ALK: variants seen among roughly 807,000 people sequenced by gnomAD.
The protein encoded by ALK is ALK receptor tyrosine kinase.
A neutral mutation model predicts 163.1 loss-of-function variants in ALK; 74 were observed. The observed-to-expected ratio is 0.45, with a 90% CI of 0.38 to 0.55. ALK has a LOEUF of 0.55. ALK is among the 20% of genes least tolerant of loss of function. ALK has a pLI of 0.00. For missense variants in ALK, 2,063 were observed against 2,105.3 expected, an observed-to-expected ratio of 0.98 and a Z score of 0.39; for synonymous variants, 960 against 843.2, an observed-to-expected ratio of 1.14 and a Z score of -2.40.
At chr2:29,893,160 C>A (rs1036305735) in intron 1 of ALK, among the ~76,000 whole-genome samples, 6 of 152,148 alleles carry the variant, frequency 3.9e-5, no homozygotes, top group Non-Finnish European at 8.8e-5. Context: ...AATATTTCCA[C>A]CCCTCCCCTT....
chr2:29,804,661 C>T (rs974447208), intron 1 of ALK, among the ~76,000 whole-genome samples: 12 of 152,176 alleles, frequency 7.9e-5, no homozygotes, highest in African/African-American at 2.9e-4. Flanking sequence ...GGGCTGGCGT[C>T]GCAGCCCATT....
chr2:29,558,992 A>G (rs1384346835), intron 3 of ALK, among the ~76,000 whole-genome samples: 1 of 152,218 alleles, frequency 6.6e-6, no homozygotes, highest in African/African-American at 2.4e-5. Flanking sequence ...ATACACTCCT[A>G]TAAACATGCA....
At chr2:29,399,440 C>A (rs1366092100) in intron 4 of ALK, among the ~76,000 whole-genome samples, 1 of 152,214 alleles carries the variant, frequency 6.6e-6, no homozygotes, top group African/African-American at 2.4e-5. Flanking sequence ...CTGATTCTTA[C>A]AGCCACCCTG....
chr2:29,226,958 C>T lies in ALK; in HGVS notation c.3031G>A (p.Gly1011Arg), dbSNP rs587778021. 4.8e-5 allele frequency: 78 copies of T among 1,614,096 alleles called. 2 individuals are homozygous for T. Among genetic ancestry groups the T allele is most frequent in the South Asian group, 2.5e-4 (23 of 91,086 alleles). ...SHKVICFCDH[G>R]TVLAEDGVSC... ...ACGCCATCCTCAGCCAGCACCGTCC[C>T]GTGGTCACAGAAGCAGATGACCTTG... The change falls in exon 18 of 29, where the codon GGG becomes AGG. Residue 1011 changes from glycine (G) to arginine (R), a missense_variant. Transcript: ENST00000389048.
intron 4 of ALK, among the ~76,000 whole-genome samples, chr2:29,480,630 C>T (rs548670265): frequency 1.6e-4 from 24 of 151,804 alleles, no homozygotes; most frequent in Non-Finnish European, 2.4e-4. Flanking sequence ...TCAATCTGCC[C>T]ACTCACTTCA....
Position 29,827,898 on chromosome 2 carries a change from G to A in ALK, c.667+92095C>T, listed in dbSNP as rs1006211670. 4.2e-4 allele frequency among the ~76,000 whole-genome samples: 64 copies of A among 152,250 alleles called. 1 individual carries two copies. Among genetic ancestry groups the A allele is most frequent in the African/African-American group, 1.4e-3 (57 of 41,550 alleles). On this transcript the variant is annotated intron_variant, in intron 1 of 28. Coordinates refer to ENST00000389048, the MANE Select transcript of ALK (RefSeq NM_004304.5). ...AAAAGAAGAAAGCTGGAGGCATCACGCTATCTGACTTCAAACTATACTACA... is the reference window on the plus strand; with the variant it reads ...AAAAGAAGAAAGCTGGAGGCATCACACTATCTGACTTCAAACTATACTACA...
intron 4 of ALK, among the ~76,000 whole-genome samples, chr2:29,476,155 G>T (rs766994423): frequency 2.0e-5 from 3 of 152,112 alleles, no homozygotes; most frequent in African/African-American, 7.2e-5. Flanking sequence ...CACAAGCTGC[G>T]GCTCAGACCC....
At chr2:29,663,402 G>A (rs925224207) in intron 3 of ALK, among the ~76,000 whole-genome samples, 2 of 152,042 alleles carry the variant, frequency 1.3e-5, no homozygotes, top group African/African-American at 4.8e-5. Flanking sequence ...AAAATTCTTG[G>A]TCCAGAATGA....
At chr2:29,431,858 C>G (rs1670280104) in intron 4 of ALK, among the ~76,000 whole-genome samples, 1 of 152,036 alleles carries the variant, frequency 6.6e-6, no homozygotes, top group South Asian at 2.1e-4. Flanking sequence ...CTTTGGGGAC[C>G]CAGATACAAG....
rs796521759 is a variant in ALK, at chr2:29,394,870, G to GT, written c.1155-11012dup. On this transcript the variant is annotated intron_variant, in intron 4 of 28. Transcript: ENST00000389048. ...CTTTCAAGCCAAGTCAATGCAGTAG[G>GT]TTTTTTTTTTTTCTTCAATACATCA... is the stretch of plus-strand genomic sequence containing the variant. Among the ~76,000 whole-genome samples, 1,384 of 146,818 alleles carry GT rather than the reference G, an allele frequency of 9.4e-3. 13 individuals are homozygous for GT. Among genetic ancestry groups the GT allele is most frequent in the African/African-American group, 0.024 (964 of 40,362 alleles).
chr2:29,338,928 C>T (rs923466284), intron 5 of ALK, among the ~76,000 whole-genome samples: 1 of 152,192 alleles, frequency 6.6e-6, no homozygotes, highest in Non-Finnish European at 1.5e-5. Context: ...ATGTGCCCAG[C>T]ACTGGGGTGA....
At chr2:29,678,286 T>C (rs1424763830) in intron 3 of ALK, among the ~76,000 whole-genome samples, 1 of 151,926 alleles carries the variant, frequency 6.6e-6, no homozygotes. Context: ...TACTGCTTTT[T>C]TATTTCATGG....
At chr2:29,705,287 A>C (rs142726608) in intron 2 of ALK, among the ~76,000 whole-genome samples, 15,534 of 117,640 alleles carry the variant, frequency 0.13, 2,590 homozygotes, top group African/African-American at 0.35. Context: ...ATATAAATAT[A>C]TATCTGCTGT....
At chr2:29,894,774 T>C (rs1667225813) in intron 1 of ALK, among the ~76,000 whole-genome samples, 1 of 152,006 alleles carries the variant, frequency 6.6e-6, no homozygotes, top group African/African-American at 2.4e-5. Context: ...TCTCAACTAT[T>C]TTGCTTTTCT....
intron 5 of ALK, 55 bp from the exon 6 acceptor site, chr2:29,328,536 G>C: frequency 6.2e-7 from 1 of 1,612,978 alleles, no homozygotes; most frequent in South Asian, 1.1e-5. Flanking sequence ...CCAGGCAGCA[G>C]CTGGCCTGAT....
At chr2:29,753,960 T>A (rs1011443247) in intron 1 of ALK, among the ~76,000 whole-genome samples, 1 of 152,202 alleles carries the variant, frequency 6.6e-6, no homozygotes, top group African/African-American at 2.4e-5. Flanking sequence ...TTTCACAGCA[T>A]CTTTGTAAGA....
intron 1 of ALK, among the ~76,000 whole-genome samples, chr2:29,830,428 A>C (rs1348259963): frequency 6.6e-6 from 1 of 152,126 alleles, no homozygotes; most frequent in Non-Finnish European, 1.5e-5. Context: ...CCTACTGAGA[A>C]AGTAGATATG....
At chr2:29,294,547 T>A (rs1423430744) in intron 9 of ALK, among the ~76,000 whole-genome samples, 1 of 152,260 alleles carries the variant, frequency 6.6e-6, no homozygotes, top group East Asian at 1.9e-4. Context: ...GTCTGTTTTA[T>A]AGAACATGGC....
chr2:29,902,763 A>T (rs189373138), intron 1 of ALK, among the ~76,000 whole-genome samples: 11 of 150,968 alleles, frequency 7.3e-5, no homozygotes, highest in African/African-American at 2.4e-4. Context: ...TCCAAACCCT[A>T]CTCCTCCAAA....
Sources: gnomAD v4.1 joint callset for allele counts (sites outside exome capture counted in the v4.1 genomes callset) on GRCh38, gnomAD v4.1.1 for gene constraint, MANE v1.5 for transcripts, NCBI Gene and HGNC (gene_info 2026-07-23, HGNC 2026-07-21) for gene names.